Variants in UBQLN4 observed in about 807,000 individuals in gnomAD.
UBQLN4 encodes the protein ubiquilin-4.
UBQLN4 carries 11 observed loss-of-function variants against 60.4 expected under a neutral mutation model. The ratio of observed to expected loss-of-function variants is 0.18; its 90% CI spans 0.11 to 0.30. The LOEUF is 0.30. Ranked by LOEUF, UBQLN4 falls within the 10% of genes least tolerant of loss-of-function variation. The probability of loss-of-function intolerance (pLI) is 1.00; values close to 1 mark genes in which losing one functional copy is unlikely to be tolerated. For synonymous variants in UBQLN4, 258 were observed against 313.1 expected (o/e 0.82, Z 1.86); for missense variants, 417 against 795.5 (o/e 0.52, Z 5.72).
intron 10 of UBQLN4, among the ~76,000 whole-genome samples, chr1:156,041,137 A>T (rs1429181637): frequency 6.6e-6 from 1 of 152,152 alleles, no homozygotes; most frequent in East Asian, 1.9e-4. Context: ...AAGCCACTTA[A>T]CCTTTCCGGG....
At chr1:156,042,493 T>C in intron 7 of UBQLN4, 1 of 1,309,796 alleles carries the variant, frequency 7.6e-7, no homozygotes, top group Non-Finnish European at 1.0e-6. Flanking sequence ...TTTCCAGGTA[T>C]ACAGAACTTA....
Position 156,036,895 on chromosome 1 carries a change from C to A in UBQLN4, c.*83G>T. 3.9e-6 allele frequency: 6 copies of A among 1,550,652 alleles called. No individual in the cohort carries two copies. Among genetic ancestry groups the A allele is most frequent in the Non-Finnish European group, 4.3e-6 (5 of 1,150,150 alleles). ...ATGAGGGAGAAGACGGAAGGGAGGA[C>A]AAGCTGCAGAGGGTAAGGATTGACA... On this transcript the variant is annotated 3_prime_UTR_variant, in exon 11 of 11. Transcript: ENST00000368309.
At chr1:156,051,423 A>T in intron 2 of UBQLN4, 96 bp from the exon 3 acceptor site, 1 of 1,437,824 alleles carries the variant, frequency 7.0e-7, no homozygotes, top group Non-Finnish European at 9.6e-7. Flanking sequence ...AACTATTTTA[A>T]CCCAAGACCC....
chr1:156,037,235 T>A, intron 10 of UBQLN4, 105 bp from the exon 11 acceptor site: 1 of 1,417,472 alleles, frequency 7.1e-7, no homozygotes, highest in Non-Finnish European at 9.6e-7. Context: ...ATCCTCAGAG[T>A]CAATCAGGAG....
chr1:156,045,024 C>T (rs1172977549), intron 5 of UBQLN4, among the ~76,000 whole-genome samples: 1 of 152,146 alleles, frequency 6.6e-6, no homozygotes, highest in Non-Finnish European at 1.5e-5. Flanking sequence ...AAAGGCAACA[C>T]CGGAACCTCC....
In UBQLN4 at chr1:156,037,065, A is replaced by C; in HGVS notation, c.1719T>G (p.Asn573Lys). 6.2e-7 allele frequency: 1 copy of C among 1,614,200 alleles called. No homozygotes were observed. Residue 573 changes from asparagine to lysine, a missense_variant, in exon 11 of 11, where the codon AAT becomes AAG. Coordinates refer to ENST00000368309, the MANE Select transcript of UBQLN4 (RefSeq NM_020131.5). ...TCAGGGCCTGCAGGTTAGCCTCACG[A>C]TTGATGAAGCCCATGGAGTTGAGCT... ...LEQLNSMGFI[N>K]REANLQALIA...
intron 7 of UBQLN4, 135 bp downstream of exon 7, chr1:156,042,639 A>T (rs1683598902): frequency 7.4e-7 from 1 of 1,351,728 alleles, no homozygotes; most frequent in African/African-American, 1.5e-5. Flanking sequence ...TGCTTAACTC[A>T]CACAGCTGGG....
Position 156,050,646 on chromosome 1 carries a change from A to C in UBQLN4, c.479-93T>G. On this transcript the variant is annotated intron_variant, in intron 3 of 10. Transcript: ENST00000368309. This position sits in a 1 kb window ranked among gnomAD's most constrained non-coding sequence, Gnocchi z 4.6. ...ATTCAGATCTCCAGGACACGCCCCA[A>C]ATGCTTCTCACATGTCCCTCTTCCT... 6.8e-7 allele frequency: 1 copy of C among 1,460,828 alleles called. No individual in the cohort carries two copies. Among genetic ancestry groups the C allele is most frequent in the Non-Finnish European group, 9.1e-7 (1 of 1,101,410 alleles). 90.5% of individuals were successfully genotyped at this position (1,460,828 alleles called of 1,614,324 possible).
In UBQLN4 at chr1:156,048,497, C is replaced by T; in HGVS notation, c.900+4G>A. Reference sequence around the variant, plus strand: ...CAACCCACTACCCTGGCCCTTGATCCCACCTGTTCCCGGGCAGCACTGAAC... The same window carrying T: ...CAACCCACTACCCTGGCCCTTGATCTCACCTGTTCCCGGGCAGCACTGAAC... On this transcript the variant is annotated splice_donor_region_variant and intron_variant, in intron 5 of 10. Coordinates refer to ENST00000368309, the MANE Select transcript of UBQLN4 (RefSeq NM_020131.5). The surrounding 1 kb of genome is among the most constrained non-coding windows in gnomAD (Gnocchi z 4.9). 2.5e-6 allele frequency: 4 copies of T among 1,607,042 alleles called. No homozygotes were observed. The highest frequency in any genetic ancestry group is 3.4e-6 in the Non-Finnish European group (4 of 1,174,498).
At chr1:156,032,602 G>A (rs1209757719), downstream of UBQLN4, among the ~76,000 whole-genome samples, 1 of 151,728 alleles carries the variant, frequency 6.6e-6, no homozygotes, top group Non-Finnish European at 1.5e-5. Flanking sequence ...CTTGTCTTTA[G>A]TATTTTAAGT....
intron 10 of UBQLN4, among the ~76,000 whole-genome samples, chr1:156,040,881 A>C (rs1683544833): frequency 6.6e-6 from 1 of 152,238 alleles, no homozygotes; most frequent in African/African-American, 2.4e-5. Flanking sequence ...CACAGAGGTC[A>C]GAGAAAGGTT....
intron 6 of UBQLN4, among the ~76,000 whole-genome samples, chr1:156,043,604 T>C (rs1440905280): frequency 2.0e-5 from 3 of 152,128 alleles, no homozygotes; most frequent in East Asian, 1.9e-4. Context: ...GTGCAGTGCA[T>C]AACCTGTTCT....
At chr1:156,040,506 C>T (rs1280953652) in intron 10 of UBQLN4, among the ~76,000 whole-genome samples, 7 of 138,640 alleles carry the variant, frequency 5.0e-5, no homozygotes, top group East Asian at 5.2e-4. Flanking sequence ...AGTGCAGTGG[C>T]GCCATCTTGG....
At chr1:156,032,411 C>T (rs1250870712), downstream of UBQLN4, among the ~76,000 whole-genome samples, 2 of 149,824 alleles carry the variant, frequency 1.3e-5, no homozygotes, top group African/African-American at 2.5e-5. Context: ...CTTGGGAGGG[C>T]GAGGCAGGAG....
Position 156,036,253 on chromosome 1 carries a change from C to T in UBQLN4, c.*725G>A. The T allele has an allele frequency of 4.1e-6, 4 of 985,642 alleles. No individual in the cohort carries two copies. The highest frequency in any genetic ancestry group is 4.8e-6 in the Non-Finnish European group (4 of 829,986). 61.1% of individuals were successfully genotyped at this position (985,642 alleles called of 1,614,324 possible). A position where few individuals can be genotyped will look rare whatever the true frequency, so the allele number is the denominator to read the frequency against. On this transcript the variant is annotated 3_prime_UTR_variant, in exon 11 of 11. Coordinates refer to ENST00000368309, the MANE Select transcript of UBQLN4 (RefSeq NM_020131.5). ...CCAACTTCCAAGCCTTTTACTCAGGCTGTCTCCCCCATTCCCTTCCTCCGA... is the reference window on the plus strand; with the variant it reads ...CCAACTTCCAAGCCTTTTACTCAGGTTGTCTCCCCCATTCCCTTCCTCCGA...
intron 10 of UBQLN4, among the ~76,000 whole-genome samples, chr1:156,038,884 C>T (rs983582789): frequency 4.0e-5 from 6 of 151,244 alleles, no homozygotes; most frequent in Non-Finnish European, 7.4e-5. Context: ...ATCTGCCTCC[C>T]GGGTTGAAGC....
chr1:156,043,610 GTTC>G (rs1253629607), intron 6 of UBQLN4, among the ~76,000 whole-genome samples: 5 of 152,132 alleles, frequency 3.3e-5, no homozygotes, highest in Non-Finnish European at 7.3e-5. Context: ...TGCATAACCT[GTTC>G]TTCTGTACAT....
At position 156,048,318 on chromosome 1, in the gene UBQLN4, A is replaced by T. The variant is rs1011826720; in HGVS notation, c.900+183T>A. Among the ~76,000 whole-genome samples, 1 of 152,200 alleles carries T rather than the reference A, an allele frequency of 6.6e-6. No individual in the cohort carries two copies. The highest frequency in any genetic ancestry group is 1.5e-5 in the Non-Finnish European group (1 of 68,030). ...ACCACTTCCACAAGGACCTCTGCTT[A>T]TATTTGTCCATGCCAAAATGGACCA... On this transcript the variant is annotated intron_variant, in intron 5 of 10. Transcript: ENST00000368309. The surrounding 1 kb of genome is among the most constrained non-coding windows in gnomAD (Gnocchi z 4.9).
At chr1:156,042,365 G>C in intron 7 of UBQLN4, 129 bp from the exon 8 acceptor site, 1 of 1,439,032 alleles carries the variant, frequency 6.9e-7, no homozygotes, top group East Asian at 2.6e-5. Flanking sequence ...GGATCTCAAA[G>C]TATCCTGAAG....
Sources: allele counts gnomAD v4.1 joint callset (sites outside exome capture counted in the v4.1 genomes callset), GRCh38; gene constraint gnomAD v4.1.1; non-coding constraint Gnocchi (gnomAD v3.1); transcripts MANE v1.5; gene names NCBI Gene and HGNC (gene_info 2026-07-23, HGNC 2026-07-21).